Variants in NELL2 observed in about 807,000 individuals in gnomAD.
The protein encoded by NELL2 is protein kinase C-binding protein NELL2.
In NELL2, 41 loss-of-function variants were observed where a neutral mutation model predicts 109.6. The ratio of observed to expected loss-of-function variants is 0.37; its 90% CI spans 0.29 to 0.49. The LOEUF (loss-of-function observed/expected upper bound fraction) is 0.49. Ranked by LOEUF, NELL2 falls within the 20% of genes least tolerant of loss-of-function variation. The pLI is 0.98. For missense variants in NELL2, 900 were observed against 1,008.3 expected (o/e 0.89, Z 1.45); for synonymous variants, 355 against 344.7 (o/e 1.03, Z -0.33).
intron 9 of NELL2, among the ~76,000 whole-genome samples, chr12:44,726,807 T>C (rs1245901819): frequency 2.6e-5 from 4 of 152,186 alleles, no homozygotes; most frequent in African/African-American, 9.6e-5. Context: ...TTTTATTTCA[T>C]TTCATATTTG....
chr12:44,565,617 G>T (rs1014874225), intron 15 of NELL2, among the ~76,000 whole-genome samples: 5 of 152,210 alleles, frequency 3.3e-5, no homozygotes, highest in African/African-American at 7.2e-5. Context: ...TTAGTCTAGA[G>T]AGTGTACTAA....
chr12:44,851,207 C>T (rs543373447), intron 2 of NELL2, among the ~76,000 whole-genome samples: 11 of 152,204 alleles, frequency 7.2e-5, no homozygotes, highest in African/African-American at 2.6e-4. Context: ...CACTACTATA[C>T]TGGAAACCGT....
chr12:44,833,408 C>A (rs1350054022), intron 2 of NELL2, among the ~76,000 whole-genome samples: 2 of 152,150 alleles, frequency 1.3e-5, no homozygotes, highest in Admixed American at 1.3e-4. Flanking sequence ...TTTCAGTGTA[C>A]TACTTTGTGC....
At chr12:44,817,181 A>T (rs10736022) in intron 2 of NELL2, among the ~76,000 whole-genome samples, 2 of 152,162 alleles carry the variant, frequency 1.3e-5, no homozygotes, top group East Asian at 1.9e-4. Context: ...CACCCAATGC[A>T]CAGGCTTTGC....
intron 9 of NELL2, among the ~76,000 whole-genome samples, chr12:44,747,956 A>G (rs1473346770): frequency 6.6e-6 from 1 of 152,170 alleles, no homozygotes; most frequent in Admixed American, 6.6e-5. Context: ...CTCGTAATGG[A>G]AAGATTCGAA....
At chr12:44,661,502 C>T (rs141973540) in intron 13 of NELL2, among the ~76,000 whole-genome samples, 41 of 152,286 alleles carry the variant, frequency 2.7e-4, no homozygotes, top group Middle Eastern at 3.4e-3. Context: ...GGATTCACCA[C>T]CGGTAACTCG....
intron 12 of NELL2, among the ~76,000 whole-genome samples, chr12:44,686,981 A>T (rs1479711194): frequency 6.6e-6 from 1 of 152,180 alleles, no homozygotes; most frequent in African/African-American, 2.4e-5. Flanking sequence ...TACCTAAGCA[A>T]GCCTGGGCAA....
At chr12:44,670,538 A>C (rs1010599555) in intron 12 of NELL2, among the ~76,000 whole-genome samples, 6 of 148,028 alleles carry the variant, frequency 4.1e-5, no homozygotes, top group Non-Finnish European at 7.5e-5. Context: ...GAATGTATTA[A>C]AAAACAAGAT....
chr12:44,740,075 A>C (rs1297985810), intron 9 of NELL2, among the ~76,000 whole-genome samples: 1 of 152,190 alleles, frequency 6.6e-6, no homozygotes, highest in Non-Finnish European at 1.5e-5. Flanking sequence ...ACAAACGTAC[A>C]TACCACTATT....
At chr12:44,717,280 CT>C (rs1421744305) in intron 9 of NELL2, among the ~76,000 whole-genome samples, 2 of 152,102 alleles carry the variant, frequency 1.3e-5, no homozygotes, top group East Asian at 3.9e-4. Flanking sequence ...ATTAGAATGG[CT>C]CTAGGAGTTT....
chr12:44,541,920 G>A (rs1942591303), intron 15 of NELL2, among the ~76,000 whole-genome samples: 1 of 151,986 alleles, frequency 6.6e-6, no homozygotes, highest in Non-Finnish European at 1.5e-5. Flanking sequence ...ATTATTTAGG[G>A]GCAAAGCCAA....
At chr12:44,893,753 T>C (rs950733182) in intron 1 of NELL2, among the ~76,000 whole-genome samples, 1 of 152,164 alleles carries the variant, frequency 6.6e-6, no homozygotes, top group Non-Finnish European at 1.5e-5. Flanking sequence ...TGTAGCATCC[T>C]AAATAATGAG....
At position 44,832,711 on chromosome 12, in the gene NELL2, C is replaced by A. The variant is rs78910881; in HGVS notation, c.185-16575G>T. 2.3e-3 allele frequency among the ~76,000 whole-genome samples: 343 copies of A among 152,292 alleles called. 2 individuals are homozygous for A. The highest frequency in any genetic ancestry group is 7.9e-3 in the African/African-American group (327 of 41,568). ...TTAAAGGTAGAGTAGATAACAACCA[C>A]AATGAACAAAACTAGAACACATACA... On this transcript the variant is annotated intron_variant, in intron 2 of 19. Coordinates refer to ENST00000429094, the MANE Select transcript of NELL2 (RefSeq NM_001145108.2).
chr12:44,908,922 A>ATAATT (rs1271599337), intron 1 of NELL2, among the ~76,000 whole-genome samples: 9 of 152,020 alleles, frequency 5.9e-5, no homozygotes, highest in African/African-American at 1.9e-4. Context: ...GTTAGCTGAC[A>ATAATT]TAATTTATTT....
intron 15 of NELL2, among the ~76,000 whole-genome samples, chr12:44,578,428 G>T: frequency 2.6e-5 from 1 of 39,204 alleles, no homozygotes; most frequent in South Asian, 1.7e-3. Flanking sequence ...AATTGATCAA[G>T]ATAGGAAAAA....
intron 13 of NELL2, among the ~76,000 whole-genome samples, chr12:44,624,996 G>GTGTA (rs1461319004): frequency 1.4e-5 from 1 of 71,130 alleles, no homozygotes; most frequent in East Asian, 3.3e-4. Context: ...ATATGTGTGT[G>GTGTA]TATATATATA....
At position 44,532,684 on chromosome 12, in the gene NELL2, G is replaced by A. The variant is rs377585198; in HGVS notation, c.1701C>T (p.Asp567=). The A allele has an allele frequency of 4.3e-6, 7 of 1,613,410 alleles. No homozygotes were observed. Among genetic ancestry groups the A allele is most frequent in the Admixed American group, 3.3e-5 (2 of 59,978 alleles). Reference sequence around the variant, plus strand: ...GCAGGTTAATGCAATTAGCACGACTGTCACATTGAACAAAACCATCAGAGC... The same window carrying A: ...GCAGGTTAATGCAATTAGCACGACTATCACATTGAACAAAACCATCAGAGC... The part of the protein sequence containing the change: ...DECSDGFVQC[D]SRANCINLPG... Residue 567 remains aspartate (D), a synonymous_variant, in exon 16 of 20, where the codon GAC becomes GAT. Coordinates refer to ENST00000429094, the MANE Select transcript of NELL2 (RefSeq NM_001145108.2).
At chr12:44,532,037 C>T (rs1942086375) in intron 16 of NELL2, among the ~76,000 whole-genome samples, 1 of 152,134 alleles carries the variant, frequency 6.6e-6, no homozygotes, top group Admixed American at 6.6e-5. Context: ...ATTGAATTTT[C>T]TACTCCTCTT....
intron 1 of NELL2, among the ~76,000 whole-genome samples, chr12:44,891,593 A>G (rs1945534831): frequency 6.6e-6 from 1 of 151,758 alleles, no homozygotes; most frequent in South Asian, 2.1e-4. Flanking sequence ...TATTCTCTTT[A>G]AATTTTTTCT....
Sources: gnomAD v4.1 joint callset for allele counts (sites outside exome capture counted in the v4.1 genomes callset) on GRCh38, gnomAD v4.1.1 for gene constraint, MANE v1.5 for transcripts, NCBI Gene and HGNC (gene_info 2026-07-23, HGNC 2026-07-21) for gene names.